POLR1B: variants seen among roughly 807,000 people sequenced by gnomAD.
POLR1B encodes the protein RNA polymerase I subunit B.
A neutral mutation model predicts 105.8 loss-of-function variants in POLR1B; 30 were observed. The ratio of observed to expected loss-of-function variants is 0.28; its 90% confidence interval spans 0.21 to 0.38. The LOEUF (loss-of-function observed/expected upper bound fraction) is 0.38, where lower values mean the gene tolerates loss of function less well. POLR1B is among the 10% of genes least tolerant of loss of function. POLR1B has a pLI of 1.00. For synonymous variants in POLR1B, 485 were observed against 505.1 expected (o/e 0.96, Z 0.53); for missense variants, 976 against 1,435.8 (o/e 0.68, Z 5.17).
At chr2:112,551,742 G>A in intron 5 of POLR1B, 33 bp from the exon 6 acceptor site, 1 of 1,518,420 alleles carries the variant, frequency 6.6e-7, no homozygotes, top group African/African-American at 1.4e-5. Context: ...TTAGTTATTA[G>A]TGAGCAATTA....
upstream of POLR1B, chr2:112,542,219 G>C: frequency 1.3e-6 from 2 of 1,535,666 alleles, no homozygotes; most frequent in Non-Finnish European, 1.7e-6. Context: ...CATCTTTCGC[G>C]AGCGGGGAGA....
chr2:112,564,036 A>G (rs569174174), intron 9 of POLR1B, among the ~76,000 whole-genome samples: 124 of 152,296 alleles, frequency 8.1e-4, no homozygotes, highest in African/African-American at 2.9e-3. Flanking sequence ...TATTTCTACC[A>G]CATCTACAAG....
chr2:112,573,644 T>G lies in POLR1B; in HGVS notation c.2354T>G (p.Ile785Ser), dbSNP rs1574138695. ...GAGTTCATAGACCTCTCTGAAAAAA[T>G]TAAACAAGGAGATAGTAGCCTGGTG... The part of the protein sequence containing the change: ...KSEFIDLSEK[I>S]KQGDSSLVFG... Residue 785 changes from isoleucine to serine, a missense_variant, in exon 14 of 15, where the codon ATT becomes AGT. By Grantham distance (142) the Ile-to-Ser change is moderately radical. Transcript: ENST00000263331. 6.2e-7 allele frequency: 1 copy of G among 1,614,112 alleles called. No homozygotes were observed. The highest frequency in any genetic ancestry group is 1.6e-4 in the Middle Eastern group (1 of 6,062).
rs2104495650 is a variant in POLR1B, at chr2:112,542,620, C to T, written c.126C>T (p.His42=). ...KAALQELTRA[H]VESFNYAVHE... ...CGTTGCAGGAGCTGACGCGGGCGCA[C>T]GTGGAGTCCTTCAACTACGCTGTGC... Residue 42 remains histidine (H), a synonymous_variant, in exon 1 of 15, where the codon CAC becomes CAT. Transcript: ENST00000263331. 6.2e-7 allele frequency: 1 copy of T among 1,614,116 alleles called. No individual in the cohort carries two copies. Among genetic ancestry groups the T allele is most frequent in the Non-Finnish European group, 8.5e-7 (1 of 1,180,026 alleles).
At chr2:112,570,851 T>C (rs1684553291) in intron 12 of POLR1B, among the ~76,000 whole-genome samples, 1 of 151,200 alleles carries the variant, frequency 6.6e-6, no homozygotes, top group South Asian at 2.1e-4. Flanking sequence ...CGATCTTGGC[T>C]CACTGCAACC....
chr2:112,578,527 T>C lies in POLR1B; in HGVS notation c.*2798T>C, dbSNP rs916807229. The stretch of plus-strand genomic sequence containing the variant: ...CTTTTTATTGCTACACAGTACTCCA[T>C]AGTATGAATATACTATGTACATAGC... On this transcript the variant is annotated 3_prime_UTR_variant, in exon 15 of 15. Coordinates refer to ENST00000263331, the MANE Select transcript of POLR1B (RefSeq NM_019014.6). Among the ~76,000 whole-genome samples the C allele has an allele frequency of 6.6e-6, 1 of 152,212 alleles. No homozygotes were observed. Among genetic ancestry groups the C allele is most frequent in the Admixed American group, 6.5e-5 (1 of 15,284 alleles).
chr2:112,559,724 A>G (rs1010807100), intron 9 of POLR1B, 150 bp downstream of exon 9: 11 of 900,892 alleles, frequency 1.2e-5, no homozygotes, highest in African/African-American at 1.0e-4. Flanking sequence ...TCTGCCTCCT[A>G]GGTTCACGCC....
At position 112,559,323 on chromosome 2, in the gene POLR1B, G is replaced by A; in HGVS notation, c.1361G>A (p.Cys454Tyr). Reference protein sequence around the residue: ...GLGLLQDSGLCVVADKLNFIR... With the variant: ...GLGLLQDSGLYVVADKLNFIR... ...GGCCTCCTACAAGATTCTGGACTTTGTGTTGTGGCTGACAAGCTGAACTTC... is the reference window on the plus strand; with the variant it reads ...GGCCTCCTACAAGATTCTGGACTTTATGTTGTGGCTGACAAGCTGAACTTC... The change falls in exon 9 of 15, where the codon TGT becomes TAT. Residue 454 changes from cysteine (C) to tyrosine (Y), a missense_variant. Around this residue, in one of 12 missense-constraint regions of POLR1B, gnomAD observed 452 missense variants for 616.5 expected, o/e 0.73. Coordinates refer to ENST00000263331, the MANE Select transcript of POLR1B (RefSeq NM_019014.6). The A allele has an allele frequency of 6.2e-7, 1 of 1,614,166 alleles. No individual in the cohort carries two copies. The highest frequency in any genetic ancestry group is 8.5e-7 in the Non-Finnish European group (1 of 1,180,024).
chr2:112,574,551 C>G (rs1161292037), intron 14 of POLR1B, among the ~76,000 whole-genome samples: 1 of 151,664 alleles, frequency 6.6e-6, no homozygotes, highest in East Asian at 1.9e-4. Context: ...GGGGCCCTAT[C>G]TCTACAAAAA....
chr2:112,547,092 A>G lies in POLR1B; in HGVS notation c.258A>G (p.Thr86=), dbSNP rs898112444. ...TGGATGCTGTTATCAGTCCACCTAC[A>G]GTTCCAAAAGGGACCATCTGCAAAG... is the stretch of plus-strand genomic sequence containing the variant. ...TILDAVISPP[T]VPKGTICKEA... The change falls in exon 2 of 15, where the codon ACA becomes ACG. Residue 86 remains threonine (T), a synonymous_variant. Coordinates refer to ENST00000263331, the MANE Select transcript of POLR1B (RefSeq NM_019014.6). 1.6e-5 allele frequency: 26 copies of G among 1,614,076 alleles called. No homozygotes were observed. The highest frequency in any genetic ancestry group is 2.1e-5 in the Non-Finnish European group (25 of 1,180,046).
rs1684798536 is a variant in POLR1B at position 112,575,018 on chromosome 2, T to C, written c.2697T>C (p.Ala899=). 6.2e-7 allele frequency: 1 copy of C among 1,614,128 alleles called. No individual in the cohort carries two copies. Among genetic ancestry groups the C allele is most frequent in the African/African-American group, 1.3e-5 (1 of 74,958 alleles). ...QKGILSRLWP[A]EDMPFTESGM... ...GCATTTTAAGCAGATTGTGGCCGGC[T>C]GAGGACATGCCTTTTACTGAGAGTG... Residue 899 remains alanine (A), a synonymous_variant, in exon 15 of 15, where the codon GCT becomes GCC. Transcript: ENST00000263331. The surrounding 1 kb of genome is among the most constrained non-coding windows in gnomAD (Gnocchi z 5.3).
intron 9 of POLR1B, among the ~76,000 whole-genome samples, chr2:112,564,013 C>G (rs1343071217): frequency 1.3e-5 from 2 of 152,134 alleles, no homozygotes; most frequent in Admixed American, 1.3e-4. Context: ...ACTTCTAATT[C>G]TAGTGGTCTT....
chr2:112,543,982 G>A (rs1574085248), intron 1 of POLR1B, among the ~76,000 whole-genome samples: 1 of 151,726 alleles, frequency 6.6e-6, no homozygotes. Context: ...CCAGCTACTC[G>A]GGAGGCTGAG....
upstream of POLR1B, chr2:112,542,450 TCCGGCG>T (rs772897109): frequency 1.3e-6 from 2 of 1,580,056 alleles, no homozygotes; most frequent in South Asian, 2.3e-5. Flanking sequence ...GAGACTGGCG[TCCGGCG>T]TGTACCGAGA....
chr2:112,556,614 A>G (rs1393341431), intron 7 of POLR1B, among the ~76,000 whole-genome samples: 3 of 152,190 alleles, frequency 2.0e-5, no homozygotes, highest in Admixed American at 2.0e-4. Flanking sequence ...GAAGAGGTGG[A>G]TTATCAATAG....
rs553658068 is a variant in POLR1B, at chr2:112,573,790, G to A, written c.2500G>A (p.Gly834Arg). 3.2e-5 allele frequency: 51 copies of A among 1,613,900 alleles called. No homozygotes were observed. Among genetic ancestry groups the A allele is most frequent in the Middle Eastern group, 1.6e-4 (1 of 6,062 alleles). Residue 834 changes from glycine (G) to arginine (R), a missense_variant, in exon 14 of 15, where the codon GGG (glycine) becomes AGG (arginine). By Grantham distance (125) the Gly-to-Arg change is moderately radical (BLOSUM62 -2). This residue lies in a region of POLR1B where 119 missense variants were observed against 149.7 expected (regional missense o/e 0.79). Coordinates refer to ENST00000263331, the MANE Select transcript of POLR1B (RefSeq NM_019014.6). The stretch of plus-strand genomic sequence containing the variant: ...TTACAGCTACCTCAACCTCAACACC[G>A]GGGAAAGTTTTGTGATGTACTATAA... Reference protein sequence around the residue: ...PYYSYLNLNTGESFVMYYKSK... With the variant: ...PYYSYLNLNTRESFVMYYKSK...
Position 112,575,942 on chromosome 2 carries a change from TTCA to T in POLR1B, c.*215_*217del. ...TTTTCTGTTATCTTTGTTCAAAAAG[TTCA>T]TGTCTTCTCAAAATATGAAATATTG... On this transcript the variant is annotated 3_prime_UTR_variant, in exon 15 of 15. Coordinates refer to ENST00000263331, the MANE Select transcript of POLR1B (RefSeq NM_019014.6). This position sits in a 1 kb window ranked among gnomAD's most constrained non-coding sequence, Gnocchi z 5.3. The T allele has an allele frequency of 5.4e-6, 3 of 559,206 alleles. No homozygotes were observed. The highest frequency in any genetic ancestry group is 9.4e-6 in the Non-Finnish European group (3 of 319,250). 34.6% of individuals were successfully genotyped at this position (559,206 alleles called of 1,614,324 possible). A position where few individuals can be genotyped will look rare whatever the true frequency, so the allele number is the denominator to read the frequency against.
chr2:112,558,694 C>T lies in POLR1B; in HGVS notation c.1331-599C>T, dbSNP rs145998463. The stretch of plus-strand genomic sequence containing the variant: ...AGTGCAGTGGCAGGATCATGGCTCA[C>T]TGCAGCCTTGACTTCCCAGGCTCAG... On this transcript the variant is annotated intron_variant, in intron 8 of 14. Coordinates refer to ENST00000263331, the MANE Select transcript of POLR1B (RefSeq NM_019014.6). Among the ~76,000 whole-genome samples the T allele has an allele frequency of 5.6e-3, 859 of 152,122 alleles. 10 individuals carry two copies. Among genetic ancestry groups the T allele is most frequent in the Admixed American group, 0.012 (182 of 15,290 alleles).
intron 6 of POLR1B, 145 bp downstream of exon 6, chr2:112,552,143 A>C: frequency 1.7e-6 from 1 of 583,336 alleles, no homozygotes; most frequent in Non-Finnish European, 2.9e-6. Context: ...GCCGGGGGCT[A>C]CCTTTGTTTT....
Sources: allele counts gnomAD v4.1 joint callset (sites outside exome capture counted in the v4.1 genomes callset), GRCh38; gene constraint gnomAD v4.1.1; regional missense constraint gnomAD v4.1.1; non-coding constraint Gnocchi (gnomAD v3.1); transcripts MANE v1.5; gene names NCBI Gene and HGNC (gene_info 2026-07-23, HGNC 2026-07-21).